Variants in EXOC4 observed in about 807,000 individuals in gnomAD.
EXOC4 encodes SEC8-like 1.
Under a neutral mutation model 107.2 loss-of-function variants are expected in EXOC4, and 71 were observed. The observed-to-expected ratio is 0.66, with a 90% CI of 0.55 to 0.81. EXOC4 has a LOEUF of 0.81. Ranked by LOEUF, EXOC4 falls within the 30% of genes least tolerant of loss-of-function variation. The pLI is 0.00. For synonymous variants in EXOC4, 456 were observed against 441.2 expected, an observed-to-expected ratio of 1.03 and a Z score of -0.42; for missense variants, 1,108 against 1,189.6, an observed-to-expected ratio of 0.93 and a Z score of 1.01.
intron 7 of EXOC4, among the ~76,000 whole-genome samples, chr7:133,426,052 C>A (rs1488750778): frequency 6.6e-6 from 1 of 152,184 alleles, no homozygotes; most frequent in African/African-American, 2.4e-5. Flanking sequence ...GTGCCATTGG[C>A]CATGGTCACT....
chr7:133,304,031 A>G (rs1187800193), intron 3 of EXOC4, among the ~76,000 whole-genome samples: 2 of 152,234 alleles, frequency 1.3e-5, no homozygotes, highest in Non-Finnish European at 1.5e-5. Flanking sequence ...TATTTGGAAC[A>G]TGTACTGTTT....
chr7:133,506,185 T>G (rs1799662135), intron 9 of EXOC4, among the ~76,000 whole-genome samples: 1 of 152,150 alleles, frequency 6.6e-6, no homozygotes, highest in Non-Finnish European at 1.5e-5. Context: ...GAGGATATAT[T>G]TCTTTAATAT....
chr7:133,407,458 G>T (rs1797247552), intron 7 of EXOC4, among the ~76,000 whole-genome samples: 1 of 152,048 alleles, frequency 6.6e-6, no homozygotes, highest in African/African-American at 2.4e-5. Context: ...TTCTTTAACA[G>T]ATTCTCAGCA....
chr7:133,612,653 G>A (rs1802097118), intron 9 of EXOC4, among the ~76,000 whole-genome samples: 1 of 152,186 alleles, frequency 6.6e-6, no homozygotes, highest in Non-Finnish European at 1.5e-5. Context: ...AGGGGACAAG[G>A]ATGGCTGAAG....
chr7:133,651,797 G>A (rs11562040), intron 10 of EXOC4, among the ~76,000 whole-genome samples: 20,092 of 151,976 alleles, frequency 0.13, 1,459 homozygotes, highest in East Asian at 0.24. Flanking sequence ...GGATTCTCAC[G>A]CCTCAGCCTC....
At chr7:133,269,901 A>G (rs1793824511) in intron 1 of EXOC4, among the ~76,000 whole-genome samples, 1 of 152,172 alleles carries the variant, frequency 6.6e-6, no homozygotes, top group Admixed American at 6.5e-5. Flanking sequence ...GCCTTGAATA[A>G]AAAACTCCAT....
At chr7:133,772,091 T>G (rs1306762602) in intron 10 of EXOC4, among the ~76,000 whole-genome samples, 6 of 151,804 alleles carry the variant, frequency 4.0e-5, no homozygotes, top group African/African-American at 1.5e-4. Context: ...CTCCTCATAT[T>G]CCCCCTTCCC....
At chr7:133,689,422 C>T (rs762818130) in intron 10 of EXOC4, among the ~76,000 whole-genome samples, 25 of 152,108 alleles carry the variant, frequency 1.6e-4, no homozygotes, top group Non-Finnish European at 2.9e-4. Context: ...GTTTCAACTG[C>T]GAATATGTCA....
intron 9 of EXOC4, 97 bp from the exon 10 acceptor site, chr7:133,629,948 T>G: frequency 1.3e-6 from 1 of 796,858 alleles, no homozygotes; most frequent in East Asian, 2.4e-5. Context: ...AAGATGGTCC[T>G]AATTATGACA....
intron 5 of EXOC4, among the ~76,000 whole-genome samples, chr7:133,329,889 G>A (rs2150602360): frequency 6.6e-6 from 1 of 152,318 alleles, no homozygotes; most frequent in African/African-American, 2.4e-5. Context: ...CTCCTAGTCA[G>A]GAGGCATGGG....
chr7:134,059,846 A>G (rs1796015901), intron 17 of EXOC4, among the ~76,000 whole-genome samples: 1 of 152,196 alleles, frequency 6.6e-6, no homozygotes, highest in East Asian at 1.9e-4. Flanking sequence ...TGGCCCATAT[A>G]TTCTATATGG....
At chr7:133,572,421 T>G (rs1293033566) in intron 9 of EXOC4, among the ~76,000 whole-genome samples, 2 of 152,034 alleles carry the variant, frequency 1.3e-5, no homozygotes, top group African/African-American at 2.4e-5. Context: ...TCAATAAGCT[T>G]AGGGAAAAAA....
chr7:133,876,221 G>GGTGTGTGTGTGT (rs10605200), intron 11 of EXOC4, among the ~76,000 whole-genome samples: 5 of 147,290 alleles, frequency 3.4e-5, no homozygotes, highest in African/African-American at 7.5e-5. Context: ...AGAATGAAGA[G>GGTGTGTGTGTGT]GTGTGTGTGT....
chr7:133,909,131 G>T (rs1033204087), intron 12 of EXOC4, among the ~76,000 whole-genome samples: 1 of 152,040 alleles, frequency 6.6e-6, no homozygotes, highest in African/African-American at 2.4e-5. Flanking sequence ...TATTTTCCTG[G>T]CGTTTTGTGC....
chr7:133,789,056 A>T (rs908366969), intron 10 of EXOC4, among the ~76,000 whole-genome samples: 1 of 152,034 alleles, frequency 6.6e-6, no homozygotes, highest in African/African-American at 2.4e-5. Context: ...CTTTTTACTA[A>T]TTTTCTTGCC....
intron 6 of EXOC4, among the ~76,000 whole-genome samples, chr7:133,360,158 C>G (rs570588445): frequency 7.2e-5 from 11 of 152,302 alleles, no homozygotes; most frequent in African/African-American, 2.4e-4. Flanking sequence ...TTCTTCAACT[C>G]CTGCTGCCTA....
At chr7:133,572,718 T>C (rs758353979) in intron 9 of EXOC4, among the ~76,000 whole-genome samples, 4 of 152,196 alleles carry the variant, frequency 2.6e-5, no homozygotes, top group Non-Finnish European at 4.4e-5. Context: ...GCCGTTGGCA[T>C]TCCAGGGAAG....
intron 14 of EXOC4, among the ~76,000 whole-genome samples, chr7:133,955,646 G>T (rs1312766957): frequency 6.6e-6 from 1 of 152,230 alleles, no homozygotes; most frequent in African/African-American, 2.4e-5. Context: ...GGCCCTGTCT[G>T]CCCTGGAGCT....
At chr7:134,044,583 T>A (rs1406502221) in intron 17 of EXOC4, among the ~76,000 whole-genome samples, 1 of 152,204 alleles carries the variant, frequency 6.6e-6, no homozygotes, top group African/African-American at 2.4e-5. Context: ...TCAACTCAAC[T>A]GAGCAGTCAT....
Sources: allele counts gnomAD v4.1 joint callset (sites outside exome capture counted in the v4.1 genomes callset), GRCh38; gene constraint gnomAD v4.1.1; transcripts MANE v1.5; gene names NCBI Gene and HGNC (gene_info 2026-07-23, HGNC 2026-07-21).